The following TNR variants were observed in gnomAD, a reference collection of about 807,000 sequenced individuals.
TNR encodes tenascin R.
Under a neutral mutation model 150.4 loss-of-function variants are expected in TNR, and 45 were observed. That is an observed-to-expected ratio of 0.30 (90% CI 0.24 to 0.38). The LOEUF is 0.38. TNR is among the 10% of genes least tolerant of loss of function. The pLI is 1.00. For synonymous variants in TNR, 687 were observed against 678.4 expected (o/e 1.01, Z -0.20); for missense variants, 1,544 against 1,759.1 (o/e 0.88, Z 2.19).
chr1:175,397,014 A>G (rs1156254869), intron 4 of TNR, among the ~76,000 whole-genome samples: 2 of 152,210 alleles, frequency 1.3e-5, no homozygotes, highest in Non-Finnish European at 2.9e-5. Context: ...GGTCATGAAC[A>G]TGCACTGGAG....
At position 175,386,148 on chromosome 1, in the gene TNR, G is replaced by T; in HGVS notation, c.1661C>A (p.Pro554His). The change falls in exon 8 of 23, where the codon CCT becomes CAT. Residue 554 changes from proline to histidine, a missense_variant. By Grantham distance (77) the Pro-to-His change is moderately conservative (BLOSUM62 -2). Transcript: ENST00000367674. ...EGGRTTFRLQPPLSQYSVQAL... is the reference protein window; with the variant it reads ...EGGRTTFRLQHPLSQYSVQAL... ...CTGCACTGAGTATTGGCTCAGGGGA[G>T]GCTGCAGCCGGAAGGTGGTCCTCCC... 6.2e-7 allele frequency: 1 copy of T among 1,613,078 alleles called. No homozygotes were observed. Among genetic ancestry groups the T allele is most frequent in the Non-Finnish European group, 8.5e-7 (1 of 1,179,178 alleles).
chr1:175,438,545 A>G (rs983838295), intron 2 of TNR, among the ~76,000 whole-genome samples: 21 of 152,126 alleles, frequency 1.4e-4, no homozygotes, highest in Non-Finnish European at 7.4e-5. Flanking sequence ...CAGGCAGGAG[A>G]AGGAAATAAA....
chr1:175,554,760 T>G (rs1661082997), intron 1 of TNR, among the ~76,000 whole-genome samples: 1 of 152,204 alleles, frequency 6.6e-6, no homozygotes. Flanking sequence ...GTAGAATGCT[T>G]CTCTTTGTTT....
chr1:175,700,006 G>T (rs1258562412), intron 1 of TNR, among the ~76,000 whole-genome samples: 1 of 151,944 alleles, frequency 6.6e-6, no homozygotes, highest in Non-Finnish European at 1.5e-5. Context: ...TTCATTAAAG[G>T]TAGTATCTAT....
At chr1:175,464,712 C>A (rs1656956527) in intron 2 of TNR, among the ~76,000 whole-genome samples, 1 of 152,214 alleles carries the variant, frequency 6.6e-6, no homozygotes, top group Admixed American at 6.5e-5. Context: ...AGACCTTCCA[C>A]TGTCATATTG....
chr1:175,549,242 C>G (rs1372870568), intron 1 of TNR, among the ~76,000 whole-genome samples: 1 of 152,176 alleles, frequency 6.6e-6, no homozygotes, highest in Non-Finnish European at 1.5e-5. Flanking sequence ...TTTCCTGGGC[C>G]ATAACTAAAG....
intron 1 of TNR, among the ~76,000 whole-genome samples, chr1:175,645,046 A>T (rs1664770423): frequency 6.6e-6 from 1 of 152,190 alleles, no homozygotes; most frequent in Non-Finnish European, 1.5e-5. Flanking sequence ...TTGAGTGCTA[A>T]CTGGGTGTAG....
At chr1:175,683,024 C>T (rs1008723165) in intron 1 of TNR, among the ~76,000 whole-genome samples, 9 of 152,154 alleles carry the variant, frequency 5.9e-5, no homozygotes, top group Admixed American at 2.6e-4. Context: ...AAACAATGGG[C>T]GAGCTTGGGG....
chr1:175,689,007 C>A (rs1666279754), intron 1 of TNR, among the ~76,000 whole-genome samples: 1 of 152,254 alleles, frequency 6.6e-6, no homozygotes, highest in Admixed American at 6.5e-5. Context: ...CGGCCACTAA[C>A]CTCAGGGGGC....
chr1:175,582,748 C>T (rs1662406332), intron 1 of TNR, among the ~76,000 whole-genome samples: 1 of 152,108 alleles, frequency 6.6e-6, no homozygotes, highest in Admixed American at 6.5e-5. Flanking sequence ...TCCTCCAAAA[C>T]TCATGTTGAA....
At chr1:175,346,535 G>A (rs932108529) in intron 18 of TNR, among the ~76,000 whole-genome samples, 5 of 151,636 alleles carry the variant, frequency 3.3e-5, no homozygotes, top group African/African-American at 1.2e-4. Flanking sequence ...TATATCACTA[G>A]GAAGACTGAG....
chr1:175,592,276 A>G (rs1331178963), intron 1 of TNR, among the ~76,000 whole-genome samples: 1 of 152,050 alleles, frequency 6.6e-6, no homozygotes, highest in Non-Finnish European at 1.5e-5. Context: ...GTTTATTACA[A>G]CTCTCTTCTT....
At chr1:175,638,756 C>A (rs1664561224) in intron 1 of TNR, among the ~76,000 whole-genome samples, 1 of 152,200 alleles carries the variant, frequency 6.6e-6, no homozygotes, top group African/African-American at 2.4e-5. Flanking sequence ...AACAAATCAT[C>A]CACCCATAGG....
intron 1 of TNR, among the ~76,000 whole-genome samples, chr1:175,623,066 G>A (rs1273252042): frequency 6.6e-6 from 1 of 152,140 alleles, no homozygotes. Context: ...AGATTTCAAC[G>A]TACATTTTTT....
At chr1:175,337,788 C>T in intron 18 of TNR, 109 bp from the exon 19 acceptor site, 1 of 1,297,266 alleles carries the variant, frequency 7.7e-7, no homozygotes, top group Admixed American at 2.2e-5. Flanking sequence ...TCATCAACAG[C>T]TGTAAGAAAT....
In TNR at chr1:175,367,199, C is replaced by G; in HGVS notation, c.2053+9G>C. On this transcript the variant is annotated intron_variant, in intron 10 of 22. Transcript: ENST00000367674. The stretch of plus-strand genomic sequence containing the variant: ...CCTGGTCTTCTTCCTCAGCAGTCCT[C>G]CTACTCACCAGTCCTGGCATTCATG... 9 of 1,613,906 alleles carry G rather than the reference C, an allele frequency of 5.6e-6. No individual in the cohort carries two copies. The highest frequency in any genetic ancestry group is 7.6e-6 in the Non-Finnish European group (9 of 1,179,842).
At chr1:175,600,321 A>G (rs1571661721) in intron 1 of TNR, among the ~76,000 whole-genome samples, 1 of 152,220 alleles carries the variant, frequency 6.6e-6, no homozygotes, top group African/African-American at 2.4e-5. Context: ...ATCAGTCTGG[A>G]TTTATGCAGT....
intron 1 of TNR, among the ~76,000 whole-genome samples, chr1:175,587,612 C>T (rs1048240611): frequency 6.6e-6 from 1 of 152,090 alleles, no homozygotes; most frequent in Non-Finnish European, 1.5e-5. Flanking sequence ...AATCAAGGAC[C>T]TGGTGTCAGA....
intron 2 of TNR, among the ~76,000 whole-genome samples, chr1:175,509,579 C>G (rs1312409964): frequency 6.6e-6 from 1 of 152,168 alleles, no homozygotes; most frequent in African/African-American, 2.4e-5. Context: ...CACTTCCAAG[C>G]CACCTCACCC....
Sources: allele counts gnomAD v4.1 joint callset (sites outside exome capture counted in the v4.1 genomes callset), GRCh38; gene constraint gnomAD v4.1.1; transcripts MANE v1.5; gene names NCBI Gene and HGNC (gene_info 2026-07-23, HGNC 2026-07-21).